The following SEMA6A variants were observed in gnomAD, a reference collection of about 807,000 sequenced individuals.
The protein encoded by SEMA6A is semaphorin-6A.
In SEMA6A, 25 loss-of-function variants were observed where a neutral mutation model predicts 96.8. The observed-to-expected ratio is 0.26, with a 90% CI of 0.19 to 0.36. The LOEUF (loss-of-function observed/expected upper bound fraction) is 0.36, where lower values mean the gene tolerates loss of function less well. Ranked by LOEUF, SEMA6A falls within the 10% of genes least tolerant of loss-of-function variation. The pLI, the probability that SEMA6A is intolerant of heterozygous loss-of-function variation, is 1.00. For synonymous variants in SEMA6A, 612 were observed against 518.0 expected, an observed-to-expected ratio of 1.18 and a Z score of -2.46; for missense variants, 1,363 against 1,323.1, an observed-to-expected ratio of 1.03 and a Z score of -0.47.
chr5:116,569,352 C>T (rs114847098), intron 1 of SEMA6A, among the ~76,000 whole-genome samples: 4,666 of 152,158 alleles, frequency 0.031, 80 homozygotes, highest in Non-Finnish European at 0.034. Context: ...CAAGTATATG[C>T]CATGCTTGAC....
chr5:116,567,419 T>C (rs1396724852), intron 1 of SEMA6A, among the ~76,000 whole-genome samples: 2 of 152,208 alleles, frequency 1.3e-5, no homozygotes, highest in Non-Finnish European at 2.9e-5. Context: ...TACTATCTGC[T>C]TTTTCAAAAT....
At chr5:116,547,887 A>G (rs1760251792) in intron 1 of SEMA6A, among the ~76,000 whole-genome samples, 1 of 152,174 alleles carries the variant, frequency 6.6e-6, no homozygotes, top group Non-Finnish European at 1.5e-5. Context: ...CTACACTTTG[A>G]GAGGAGCTAA....
chr5:116,466,785 C>A (rs1366003455), intron 18 of SEMA6A, among the ~76,000 whole-genome samples: 1 of 152,162 alleles, frequency 6.6e-6, no homozygotes, highest in Non-Finnish European at 1.5e-5. Flanking sequence ...AGCAACATAA[C>A]TGGGCTTTTC....
At chr5:116,554,511 TTG>T (rs1167147599) in intron 1 of SEMA6A, among the ~76,000 whole-genome samples, 2 of 152,144 alleles carry the variant, frequency 1.3e-5, no homozygotes, top group Non-Finnish European at 2.9e-5. Context: ...ACACATTTAT[TTG>T]GAGGGGTTCA....
intron 10 of SEMA6A, among the ~76,000 whole-genome samples, 166 bp from the exon 11 acceptor site, chr5:116,482,741 C>T (rs1756850021): frequency 6.6e-6 from 1 of 152,184 alleles, no homozygotes; most frequent in Non-Finnish European, 1.5e-5. Flanking sequence ...ATATTTCTCT[C>T]AATCAAATTT....
chr5:116,570,872 G>A (rs888079757), intron 1 of SEMA6A, among the ~76,000 whole-genome samples: 4 of 152,168 alleles, frequency 2.6e-5, no homozygotes, highest in South Asian at 2.1e-4. Flanking sequence ...TAATTTGGAT[G>A]CCTCATTTTT....
chr5:116,561,849 C>G (rs1156868347), intron 1 of SEMA6A, among the ~76,000 whole-genome samples: 2 of 152,084 alleles, frequency 1.3e-5, no homozygotes, highest in Non-Finnish European at 1.5e-5. Context: ...AATTAATTAA[C>G]CAGCATATTC....
chr5:116,518,598 T>C (rs1046597092), intron 1 of SEMA6A, among the ~76,000 whole-genome samples: 14 of 152,192 alleles, frequency 9.2e-5, no homozygotes, highest in African/African-American at 3.4e-4. Context: ...AGAGAGAAAG[T>C]GAGTGTGAGA....
At chr5:116,478,773 T>G (rs1309084036) in intron 12 of SEMA6A, 55 bp from the exon 13 acceptor site, 2 of 1,547,582 alleles carry the variant, frequency 1.3e-6, no homozygotes, top group East Asian at 2.3e-5. Flanking sequence ...ATTAAAGTGT[T>G]CCCTGTTCCA....
chr5:116,527,215 TCA>T (rs1759267457), intron 1 of SEMA6A, among the ~76,000 whole-genome samples: 1 of 152,048 alleles, frequency 6.6e-6, no homozygotes, highest in African/African-American at 2.4e-5. Flanking sequence ...AGTTAATTCT[TCA>T]CAGTCATACT....
At chr5:116,458,282 C>T (rs1409276470) in intron 18 of SEMA6A, among the ~76,000 whole-genome samples, 2 of 152,132 alleles carry the variant, frequency 1.3e-5, no homozygotes, top group Non-Finnish European at 2.9e-5. Context: ...AATTTTTAAC[C>T]ACTCCAGATG....
intron 1 of SEMA6A, among the ~76,000 whole-genome samples, chr5:116,517,948 G>A (rs567542759): frequency 1.1e-4 from 16 of 152,260 alleles, no homozygotes; most frequent in African/African-American, 3.6e-4. Context: ...TCTCCCCAAT[G>A]GAATATGCCT....
At chr5:116,560,340 T>G (rs756241228) in intron 1 of SEMA6A, among the ~76,000 whole-genome samples, 3 of 152,150 alleles carry the variant, frequency 2.0e-5, no homozygotes, top group African/African-American at 7.2e-5. Flanking sequence ...GGGCCGACAG[T>G]AGGTACACAG....
At chr5:116,521,667 G>A (rs1357376137) in intron 1 of SEMA6A, among the ~76,000 whole-genome samples, 1 of 151,518 alleles carries the variant, frequency 6.6e-6, no homozygotes, top group African/African-American at 2.4e-5. Context: ...TCCATCTGGG[G>A]AAGGTATGAG....
intron 3 of SEMA6A, chr5:116,498,596 G>A (rs1757726000): frequency 6.6e-6 from 1 of 151,698 alleles, no homozygotes; most frequent in African/African-American, 2.4e-5. Context: ...GGGGTGGAAG[G>A]GCGTGGTAAG....
intron 17 of SEMA6A, chr5:116,468,766 C>G (rs764297439): frequency 6.6e-6 from 1 of 152,146 alleles, no homozygotes; most frequent in Non-Finnish European, 1.5e-5. Context: ...ACAGAACAAC[C>G]TCTTGAACAA....
At chr5:116,509,154 A>G (rs1758283399) in intron 1 of SEMA6A, among the ~76,000 whole-genome samples, 1 of 152,238 alleles carries the variant, frequency 6.6e-6, no homozygotes. Flanking sequence ...TTTGGTAGAC[A>G]TGGCAGCATC....
chr5:116,468,527 G>C (rs2112653798), intron 17 of SEMA6A: 1 of 152,338 alleles, frequency 6.6e-6, no homozygotes, highest in African/African-American at 2.4e-5. Flanking sequence ...CTGAGGTTCA[G>C]ATAAGCTACC....
chr5:116,469,353 T>C (rs1221586948), intron 17 of SEMA6A: 1 of 152,194 alleles, frequency 6.6e-6, no homozygotes, highest in African/African-American at 2.4e-5. Context: ...ATGATACAGA[T>C]AAGAGAACAG....
Sources: gnomAD v4.1 joint callset for allele counts (sites outside exome capture counted in the v4.1 genomes callset) on GRCh38, gnomAD v4.1.1 for gene constraint, MANE v1.5 for transcripts, NCBI Gene and HGNC (gene_info 2026-07-23, HGNC 2026-07-21) for gene names.